CFAP77: variants seen among roughly 807,000 people sequenced by gnomAD.
CFAP77 encodes the protein cilia and flagella associated protein 77.
A neutral mutation model predicts 31.1 loss-of-function variants in CFAP77; 25 were observed. The observed-to-expected ratio is 0.80, with a 90% confidence interval of 0.59 to 1.12. The LOEUF (loss-of-function observed/expected upper bound fraction) is 1.12, where lower values mean the gene tolerates loss of function less well. Among genes scored for constraint, CFAP77 ranks in the 50% most tolerant of loss-of-function variants. The pLI is 0.00. For missense variants in CFAP77, 377 were observed against 397.3 expected (o/e 0.95, Z 0.44); for synonymous variants, 151 against 159.9 (o/e 0.94, Z 0.42).
rs567471041 is a variant in CFAP77, at chr9:132,448,982, C to T, written c.195+38516C>T. Among the ~76,000 whole-genome samples the T allele has an allele frequency of 3.9e-5, 6 of 152,230 alleles. No individual in the cohort carries two copies. In the South Asian group the frequency reaches 6.2e-4, roughly 16 times the overall value. On this transcript the variant is annotated intron_variant, in intron 1 of 5. Transcript: ENST00000393216. ...ATAATTGGGAGATAGGCACCTATGA[C>T]GTGGAGATGAGGTTATGGGAAAAGC...
intron 1 of CFAP77, among the ~76,000 whole-genome samples, chr9:132,420,497 AC>A (rs908989434): frequency 1.3e-5 from 2 of 149,476 alleles, no homozygotes; most frequent in African/African-American, 5.0e-5. Context: ...TACTAAAAAT[AC>A]AAAAAAAAAA....
chr9:132,456,192 C>T (rs1272246380), intron 1 of CFAP77, among the ~76,000 whole-genome samples: 3 of 152,126 alleles, frequency 2.0e-5, no homozygotes, highest in Admixed American at 6.6e-5. Flanking sequence ...AATACACAGC[C>T]GAAAGGTAGC....
intron 1 of CFAP77, among the ~76,000 whole-genome samples, chr9:132,447,697 C>T (rs547172904): frequency 1.3e-5 from 2 of 152,316 alleles, no homozygotes; most frequent in South Asian, 2.1e-4. Flanking sequence ...GCGGCAAACG[C>T]GGGGACTTCA....
At chr9:132,563,435 C>A (rs1178675617) in intron 5 of CFAP77, among the ~76,000 whole-genome samples, 1 of 152,160 alleles carries the variant, frequency 6.6e-6, no homozygotes, top group African/African-American at 2.4e-5. Context: ...TGGGTGGGGC[C>A]TGCCATGTTG....
chr9:132,553,649 T>G (rs1440738379), intron 5 of CFAP77, among the ~76,000 whole-genome samples: 3 of 152,210 alleles, frequency 2.0e-5, no homozygotes, highest in Non-Finnish European at 4.4e-5. Context: ...CATTTCTTCA[T>G]AGACAACCAG....
chr9:132,466,565 C>T (rs1257317210), intron 1 of CFAP77, among the ~76,000 whole-genome samples: 1 of 152,214 alleles, frequency 6.6e-6, no homozygotes. Context: ...GACCCGATGT[C>T]AAGTAATTTC....
intron 3 of CFAP77, among the ~76,000 whole-genome samples, chr9:132,515,872 G>A (rs889162110): frequency 6.6e-6 from 1 of 152,172 alleles, no homozygotes; most frequent in Non-Finnish European, 1.5e-5. Flanking sequence ...TCCACTACAG[G>A]AAAAAAATTG....
chr9:132,540,480 G>A (rs1310136048), intron 4 of CFAP77, among the ~76,000 whole-genome samples: 1 of 152,198 alleles, frequency 6.6e-6, no homozygotes, highest in African/African-American at 2.4e-5. Flanking sequence ...GTGCCTGTTG[G>A]GGGAGGAAAA....
chr9:132,563,599 T>C (rs1829850704), intron 5 of CFAP77, among the ~76,000 whole-genome samples: 1 of 152,196 alleles, frequency 6.6e-6, no homozygotes, highest in Admixed American at 6.5e-5. Flanking sequence ...CTCATGCACA[T>C]CTCTTAGTGG....
At chr9:132,562,699 T>C (rs1414476477) in intron 5 of CFAP77, among the ~76,000 whole-genome samples, 1 of 152,062 alleles carries the variant, frequency 6.6e-6, no homozygotes, top group Non-Finnish European at 1.5e-5. Context: ...GTTTTTGTTT[T>C]ATTTTATTTT....
chr9:132,436,510 T>C (rs976594730), intron 1 of CFAP77, among the ~76,000 whole-genome samples: 3 of 152,230 alleles, frequency 2.0e-5, no homozygotes, highest in African/African-American at 7.2e-5. Flanking sequence ...TTTGAATTGG[T>C]CACTTGATCC....
Position 132,554,486 on chromosome 9 carries a change from C to T in CFAP77, c.732+11439C>T, listed in dbSNP as rs1049969314. On this transcript the variant is annotated intron_variant, in intron 5 of 5. Coordinates refer to ENST00000393216, the MANE Select transcript of CFAP77 (RefSeq NM_001282957.2). The surrounding 1 kb of genome is among the most constrained non-coding windows in gnomAD (Gnocchi z 4.1). ...AAGTAGTTGGGACTACAGGTGCACACCACCATGCCCGGCTAATTTTTTTTA... is the reference window on the plus strand; with the variant it reads ...AAGTAGTTGGGACTACAGGTGCACATCACCATGCCCGGCTAATTTTTTTTA... Among the ~76,000 whole-genome samples, 13 of 152,110 alleles carry T rather than the reference C, an allele frequency of 8.5e-5. No homozygotes were observed. Among genetic ancestry groups the T allele is most frequent in the African/African-American group, 2.4e-4 (10 of 41,406 alleles).
intron 1 of CFAP77, among the ~76,000 whole-genome samples, chr9:132,492,549 A>C (rs558722135): frequency 6.6e-6 from 1 of 152,338 alleles, no homozygotes; most frequent in South Asian, 2.1e-4. Context: ...AAGACTGTGG[A>C]GTCAGATGTG....
At chr9:132,557,070 T>C (rs1852916786) in intron 5 of CFAP77, among the ~76,000 whole-genome samples, 1 of 152,228 alleles carries the variant, frequency 6.6e-6, no homozygotes, top group Admixed American at 6.5e-5. Context: ...GTGTTTCTCA[T>C]TATTTTCTGT....
intron 1 of CFAP77, among the ~76,000 whole-genome samples, chr9:132,496,689 G>A (rs995633003): frequency 6.6e-6 from 1 of 152,248 alleles, no homozygotes; most frequent in African/African-American, 2.4e-5. Flanking sequence ...GTGCTGGGAA[G>A]GCAGGCTGAG....
chr9:132,417,029 A>G (rs759614548), intron 1 of CFAP77, among the ~76,000 whole-genome samples: 9 of 152,130 alleles, frequency 5.9e-5, no homozygotes, highest in Non-Finnish European at 7.4e-5. Context: ...GTCTTCCTTC[A>G]AGCTCCTGCA....
intron 1 of CFAP77, among the ~76,000 whole-genome samples, chr9:132,488,643 C>G (rs931832611): frequency 1.3e-5 from 2 of 152,206 alleles, no homozygotes; most frequent in African/African-American, 4.8e-5. Flanking sequence ...ATCAAAGCAA[C>G]AGCCTGTGGG....
chr9:132,504,695 C>G (rs1262484915), intron 3 of CFAP77, among the ~76,000 whole-genome samples: 5 of 152,144 alleles, frequency 3.3e-5, no homozygotes, highest in Non-Finnish European at 4.4e-5. Flanking sequence ...CCAAAGCAGG[C>G]CCAAATCAGC....
Position 132,484,867 on chromosome 9 carries a change from T to C in CFAP77, c.196-13828T>C, listed in dbSNP as rs1478264601. Among the ~76,000 whole-genome samples the C allele has an allele frequency of 2.6e-5, 4 of 151,132 alleles. No individual in the cohort carries two copies. The South Asian group carries it at 6.3e-4, about 24-fold the overall frequency. On this transcript the variant is annotated intron_variant, in intron 1 of 5. Coordinates refer to ENST00000393216, the MANE Select transcript of CFAP77 (RefSeq NM_001282957.2). ...AACTTTCTTTCTTTTTTTTTTTTTT[T>C]AGATGGAGTCTTGCTCTGTCACCCA...
Sources: gnomAD v4.1 joint callset for allele counts (sites outside exome capture counted in the v4.1 genomes callset) on GRCh38, gnomAD v4.1.1 for gene constraint, Gnocchi (gnomAD v3.1) non-coding constraint, MANE v1.5 for transcripts, NCBI Gene and HGNC (gene_info 2026-07-23, HGNC 2026-07-21) for gene names.